Variants in LSAMP observed in about 807,000 individuals in gnomAD.
LSAMP encodes limbic system-associated membrane protein.
Under a neutral mutation model 38.6 loss-of-function variants are expected in LSAMP, and 7 were observed. The observed-to-expected ratio is 0.18, with a 90% CI of 0.10 to 0.34. The LOEUF (loss-of-function observed/expected upper bound fraction) is 0.34, where lower values mean the gene tolerates loss of function less well. LSAMP is among the 10% of genes least tolerant of loss of function. The pLI is 1.00. For missense variants in LSAMP, 313 were observed against 420.0 expected (o/e 0.75, Z 2.23); for synonymous variants, 154 against 166.8 (o/e 0.92, Z 0.59).
At chr3:116,072,792 A>C (rs1576346336) in intron 2 of LSAMP, among the ~76,000 whole-genome samples, 1 of 131,944 alleles carries the variant, frequency 7.6e-6, no homozygotes. Flanking sequence ...TTCCTTGTAG[A>C]CTCTGAATAT....
At chr3:116,398,652 A>G (rs1174643710) in intron 1 of LSAMP, among the ~76,000 whole-genome samples, 1 of 152,236 alleles carries the variant, frequency 6.6e-6, no homozygotes, top group African/African-American at 2.4e-5. Flanking sequence ...GGTGAGGAAT[A>G]TTCAGCTTCT....
At chr3:116,370,941 C>T (rs1263177288) in intron 1 of LSAMP, among the ~76,000 whole-genome samples, 1 of 152,080 alleles carries the variant, frequency 6.6e-6, no homozygotes, top group Non-Finnish European at 1.5e-5. Flanking sequence ...TAAGAGAGTA[C>T]TGAGAAAATT....
intron 1 of LSAMP, among the ~76,000 whole-genome samples, chr3:116,273,872 A>G (rs12492142): frequency 6.8e-6 from 1 of 146,308 alleles, no homozygotes; most frequent in South Asian, 2.2e-4. Context: ...TATTCTTCTA[A>G]TCCACGGTCA....
chr3:116,149,694 G>A (rs1709568175), intron 1 of LSAMP, among the ~76,000 whole-genome samples: 1 of 151,918 alleles, frequency 6.6e-6, no homozygotes, highest in South Asian at 2.1e-4. Flanking sequence ...GCATTCAATG[G>A]TTCATTTATC....
chr3:116,061,561 T>C (rs1238065938), intron 2 of LSAMP, among the ~76,000 whole-genome samples: 5 of 152,166 alleles, frequency 3.3e-5, no homozygotes, highest in Non-Finnish European at 5.9e-5. Context: ...AGGATTTCTA[T>C]GTCACACCAT....
chr3:116,236,176 A>C (rs2046463735), intron 1 of LSAMP, among the ~76,000 whole-genome samples: 2 of 152,128 alleles, frequency 1.3e-5, no homozygotes, highest in Admixed American at 1.3e-4. Flanking sequence ...TTATCTCCAA[A>C]ATATATGTTC....
intron 3 of LSAMP, among the ~76,000 whole-genome samples, chr3:115,951,290 A>G (rs570896402): frequency 6.6e-6 from 1 of 152,310 alleles, no homozygotes; most frequent in East Asian, 1.9e-4. Context: ...AATTAAACTA[A>G]AAAGCTTCTG....
intron 3 of LSAMP, among the ~76,000 whole-genome samples, chr3:115,862,801 T>A (rs562622246): frequency 6.6e-6 from 1 of 152,326 alleles, no homozygotes; most frequent in South Asian, 2.1e-4. Context: ...GGCCTCTGCT[T>A]ACCAGCACCC....
At chr3:116,113,740 TATG>T (rs1193701026) in intron 1 of LSAMP, among the ~76,000 whole-genome samples, 2 of 152,160 alleles carry the variant, frequency 1.3e-5, no homozygotes, top group East Asian at 3.9e-4. Context: ...CCCTATATTT[TATG>T]ATACTTGTTA....
chr3:115,908,042 A>G (rs1437754436), intron 3 of LSAMP, among the ~76,000 whole-genome samples: 2 of 152,084 alleles, frequency 1.3e-5, no homozygotes, highest in East Asian at 3.9e-4. Context: ...TTTGAGCCCA[A>G]TGTATGAAAT....
At chr3:115,815,212 T>C (rs971837335) in intron 6 of LSAMP, among the ~76,000 whole-genome samples, 2 of 152,200 alleles carry the variant, frequency 1.3e-5, no homozygotes, top group African/African-American at 4.8e-5. Context: ...AATTGTTTTA[T>C]TATTATTGTA....
At chr3:116,060,674 C>G (rs147664816) in intron 2 of LSAMP, among the ~76,000 whole-genome samples, 2,479 of 152,182 alleles carry the variant, frequency 0.016, 60 homozygotes, top group African/African-American at 0.055. Context: ...GCAGGAGAAT[C>G]GCTTGAATCT....
At chr3:116,342,055 A>G (rs904586042) in intron 1 of LSAMP, among the ~76,000 whole-genome samples, 2 of 152,008 alleles carry the variant, frequency 1.3e-5, no homozygotes, top group African/African-American at 4.8e-5. Flanking sequence ...GAAAGCACCT[A>G]AGAGGGGATA....
chr3:116,246,602 C>G (rs376106364), intron 1 of LSAMP, among the ~76,000 whole-genome samples: 2 of 152,146 alleles, frequency 1.3e-5, no homozygotes, highest in Admixed American at 6.5e-5. Context: ...GCTCCTGTAG[C>G]GATGCCATCC....
intron 1 of LSAMP, among the ~76,000 whole-genome samples, chr3:116,320,206 A>C (rs7641208): frequency 1.3e-5 from 2 of 152,094 alleles, no homozygotes; most frequent in African/African-American, 4.8e-5. Flanking sequence ...CGAGGTCAGG[A>C]GTTCGAGACC....
chr3:115,941,315 T>C lies in LSAMP; in HGVS notation c.514+78200A>G, dbSNP rs546826323. ...AAAGGGTTTGGAAAAAAGGGAACCTTGCACAATGTGGGAATGTAACTTGGT... is the reference window on the plus strand; with the variant it reads ...AAAGGGTTTGGAAAAAAGGGAACCTCGCACAATGTGGGAATGTAACTTGGT... On this transcript the variant is annotated intron_variant, in intron 3 of 6. Coordinates refer to ENST00000490035, the MANE Select transcript of LSAMP (RefSeq NM_002338.5). 1.1e-4 allele frequency among the ~76,000 whole-genome samples: 17 copies of C among 152,208 alleles called. No individual in the cohort carries two copies. In the South Asian group the frequency reaches 3.5e-3, roughly 32 times the overall value.
intron 2 of LSAMP, among the ~76,000 whole-genome samples, chr3:116,030,713 A>G (rs1011327618): frequency 6.6e-6 from 1 of 152,164 alleles, no homozygotes; most frequent in Non-Finnish European, 1.5e-5. Flanking sequence ...CAATTGAATG[A>G]ATTCCAACTG....
At chr3:115,839,146 T>G (rs1934897724) in intron 6 of LSAMP, among the ~76,000 whole-genome samples, 1 of 152,198 alleles carries the variant, frequency 6.6e-6, no homozygotes, top group African/African-American at 2.4e-5. Flanking sequence ...CTTTTCCAAT[T>G]AATCCCATTT....
chr3:116,220,185 A>AACACACACAC (rs3974285), intron 1 of LSAMP, among the ~76,000 whole-genome samples: 51,180 of 141,110 alleles, frequency 0.36, 10,169 homozygotes, highest in East Asian at 0.57. Flanking sequence ...TCCATCTCAA[A>AACACACACAC]ACACACACAC....
Sources: allele counts gnomAD v4.1 joint callset (sites outside exome capture counted in the v4.1 genomes callset), GRCh38; gene constraint gnomAD v4.1.1; transcripts MANE v1.5; gene names NCBI Gene and HGNC (gene_info 2026-07-23, HGNC 2026-07-21).